The following NKTR variants were observed in gnomAD, a reference collection of about 807,000 sequenced individuals.
NKTR encodes the protein NK-tumor recognition protein.
NKTR carries 67 observed loss-of-function variants against 156.3 expected under a neutral mutation model. That is an observed-to-expected ratio of 0.43 (90% CI 0.35 to 0.53). NKTR has a LOEUF of 0.53. Among genes scored for constraint, NKTR ranks in the 20% least tolerant of loss-of-function variants. The probability of loss-of-function intolerance (pLI) is 0.01; values close to 1 mark genes in which losing one functional copy is unlikely to be tolerated. For synonymous variants in NKTR, 640 were observed against 596.6 expected (o/e 1.07, Z -1.06); for missense variants, 1,604 against 1,730.9 (o/e 0.93, Z 1.30).
Position 42,637,551 on chromosome 3 carries a change from C to A in NKTR, c.1847C>A (p.Pro616His). 1 of 1,613,908 alleles carries A rather than the reference C, an allele frequency of 6.2e-7. No homozygotes were observed. Among genetic ancestry groups the A allele is most frequent in the Non-Finnish European group, 8.5e-7 (1 of 1,179,956 alleles). The stretch of plus-strand genomic sequence containing the variant: ...ATACCACTGAGTGACAGTCCCCCCC[C>A]TTCAAGATGGAAGCCTGGACAGAAA... ...PVIPLSDSPPPSRWKPGQKPW... is the reference protein window; with the variant it reads ...PVIPLSDSPPHSRWKPGQKPW... Residue 616 changes from proline to histidine, a missense_variant, in exon 13 of 17, where the codon CCT (proline) becomes CAT (histidine). Around this residue, in one of 6 missense-constraint regions of NKTR, gnomAD observed 1,255 missense variants for 1,243.7 expected, o/e 1.01. Coordinates refer to ENST00000232978, the MANE Select transcript of NKTR (RefSeq NM_005385.4).
In NKTR at chr3:42,645,983, C is replaced by T. The variant is rs771562843; in HGVS notation, c.*8C>T. On this transcript the variant is annotated 3_prime_UTR_variant, in exon 17 of 17. Transcript: ENST00000232978. ...AGCAGCAGATACAGTTGAAAACGTC[C>T]GGATACAAATTATATCTTATTTGTA... 1.4e-5 allele frequency: 22 copies of T among 1,598,108 alleles called. No individual in the cohort carries two copies. The highest frequency in any genetic ancestry group is 3.3e-5 in the Admixed American group (2 of 59,740).
intron 12 of NKTR, 155 bp downstream of exon 12, chr3:42,635,521 G>A: frequency 1.8e-6 from 1 of 545,898 alleles, no homozygotes; most frequent in Non-Finnish European, 3.1e-6. Flanking sequence ...CTTGATGAAA[G>A]TAGTACTGTT....
intron 2 of NKTR, among the ~76,000 whole-genome samples, chr3:42,609,133 A>G (rs1446409493): frequency 6.8e-6 from 1 of 146,612 alleles, no homozygotes; most frequent in Non-Finnish European, 1.5e-5. Flanking sequence ...TATATCAAAA[A>G]AAAAAAAAGA....
At position 42,621,426 on chromosome 3, in the gene NKTR, C is replaced by T; in HGVS notation, c.287-3C>T. On this transcript the variant is annotated splice_region_variant and splice_polypyrimidine_tract_variant and intron_variant, in intron 5 of 16. Coordinates refer to ENST00000232978, the MANE Select transcript of NKTR (RefSeq NM_005385.4). ...CTGACAAATTTGTGTTTTCTTCAAA[C>T]AGATGAAAACTTTATTCTCAAACAT... is the stretch of plus-strand genomic sequence containing the variant. 8.1e-6 allele frequency: 13 copies of T among 1,601,492 alleles called. No homozygotes were observed. The highest frequency in any genetic ancestry group is 1.1e-5 in the Non-Finnish European group (13 of 1,175,280).
chr3:42,617,237 A>G (rs1237973788), intron 2 of NKTR, among the ~76,000 whole-genome samples: 2 of 152,204 alleles, frequency 1.3e-5, no homozygotes, highest in Non-Finnish European at 2.9e-5. Flanking sequence ...TCAAACAACT[A>G]TTGAGAGTAT....
rs1708718763 is a variant in NKTR, at chr3:42,629,706, A to T, written c.375-840A>T. On this transcript the variant is annotated intron_variant, in intron 6 of 16. Transcript: ENST00000232978. Reference sequence around the variant, plus strand: ...TCTGAGACTAATTATCTGCTTTTGAATTTTTTCCACTGCAATTCATATAAT... The same window carrying T: ...TCTGAGACTAATTATCTGCTTTTGATTTTTTTCCACTGCAATTCATATAAT... 2.0e-6 allele frequency: 2 copies of T among 983,378 alleles called. 1 individual carries two copies. The highest frequency in any genetic ancestry group is 2.4e-6 in the Non-Finnish European group (2 of 828,322). The allele number at this position is 983,378 out of a possible 1,614,324, so 60.9% of individuals were successfully genotyped here. A position where few individuals can be genotyped will look rare whatever the true frequency, so the allele number is the denominator to read the frequency against.
chr3:42,626,410 C>CA (rs898565492), intron 6 of NKTR, among the ~76,000 whole-genome samples: 3 of 150,270 alleles, frequency 2.0e-5, no homozygotes, highest in Non-Finnish European at 4.4e-5. Context: ...GTGTGTTCTC[C>CA]AAAAAAAAAT....
At chr3:42,610,928 C>G (rs985637883) in intron 2 of NKTR, among the ~76,000 whole-genome samples, 13 of 151,760 alleles carry the variant, frequency 8.6e-5, no homozygotes, top group African/African-American at 3.1e-4. Flanking sequence ...CTTTATTGGG[C>G]CTGTTTTTTA....
chr3:42,609,398 A>G (rs1035948879), intron 2 of NKTR, among the ~76,000 whole-genome samples: 1 of 152,242 alleles, frequency 6.6e-6, no homozygotes, highest in Non-Finnish European at 1.5e-5. Context: ...AAGCTGAAGT[A>G]TTAATAATTA....
intron 2 of NKTR, among the ~76,000 whole-genome samples, chr3:42,610,928 C>T (rs985637883): frequency 1.3e-5 from 2 of 151,760 alleles, no homozygotes; most frequent in Non-Finnish European, 2.9e-5. Flanking sequence ...CTTTATTGGG[C>T]CTGTTTTTTA....
Position 42,639,078 on chromosome 3 carries a change from C to G in NKTR, c.3374C>G (p.Thr1125Arg). 2 of 1,614,034 alleles carry G rather than the reference C, an allele frequency of 1.2e-6. No homozygotes were observed. Among genetic ancestry groups the G allele is most frequent in the Non-Finnish European group, 1.7e-6 (2 of 1,179,998 alleles). ...AATGGAGTGGAAGATGTGCTTCAAA[C>G]AGATGACAACATGGAGATCTGCACT... ...VPNGVEDVLQ[T>R]DDNMEICTPD... Residue 1125 changes from threonine (T) to arginine (R), a missense_variant, in exon 13 of 17, where the codon ACA becomes AGA. By Grantham distance (71) the Thr-to-Arg change is moderately conservative. Transcript: ENST00000232978.
Position 42,636,862 on chromosome 3 carries a change from C to T in NKTR, c.1164-6C>T. ...TCACCGCATGAATATTATGTCCTTT[C>T]TATAGGTTAAGTGACCCCTGTTCAA... is the stretch of plus-strand genomic sequence containing the variant. On this transcript the variant is annotated splice_polypyrimidine_tract_variant and splice_region_variant and intron_variant, in intron 12 of 16. Transcript: ENST00000232978. 6.5e-7 allele frequency: 1 copy of T among 1,549,360 alleles called. No individual in the cohort carries two copies. The highest frequency in any genetic ancestry group is 8.7e-7 in the Non-Finnish European group (1 of 1,155,030).
chr3:42,612,086 G>A (rs3774404), intron 2 of NKTR, among the ~76,000 whole-genome samples: 26,056 of 152,226 alleles, frequency 0.17, 2,695 homozygotes, highest in African/African-American at 0.29. Context: ...GGGGAACAGA[G>A]CGAGACTCTG....
chr3:42,601,380 G>A (rs1705441750), intron 2 of NKTR: 1 of 233,882 alleles, frequency 4.3e-6, no homozygotes, highest in African/African-American at 2.3e-5. Flanking sequence ...GTCTCCGTGA[G>A]GCAGACACTC....
chr3:42,636,867 G>C lies in NKTR; in HGVS notation c.1164-1G>C, dbSNP rs759928613. On this transcript the variant is annotated splice_acceptor_variant, in intron 12 of 16. Transcript: ENST00000232978. LOFTEE classifies it high-confidence loss of function. The stretch of plus-strand genomic sequence containing the variant: ...GCATGAATATTATGTCCTTTCTATA[G>C]GTTAAGTGACCCCTGTTCAAGCCGA... 9 of 1,556,090 alleles carry C rather than the reference G, an allele frequency of 5.8e-6. No homozygotes were observed. Among genetic ancestry groups the C allele is most frequent in the Non-Finnish European group, 7.8e-6 (9 of 1,158,698 alleles).
intron 10 of NKTR, 106 bp from the exon 11 acceptor site, chr3:42,634,507 A>G: frequency 3.6e-6 from 2 of 561,190 alleles, no homozygotes; most frequent in Non-Finnish European, 6.3e-6. Context: ...CTATTGCAAA[A>G]TGGCATGTAT....
chr3:42,609,789 T>C (rs1301604982), intron 2 of NKTR, among the ~76,000 whole-genome samples: 1 of 152,182 alleles, frequency 6.6e-6, no homozygotes, highest in Non-Finnish European at 1.5e-5. Context: ...GTAGAATGTT[T>C]CTTGTTGTTT....
rs764796125 is a variant in NKTR, at chr3:42,638,300, T to C, written c.2596T>C (p.Ser866Pro). The change falls in exon 13 of 17, where the codon TCT becomes CCT. Residue 866 changes from serine (S) to proline (P), a missense_variant. Physicochemically the swap from Ser to Pro is moderately conservative, Grantham distance 74 (BLOSUM62 -1). This residue lies in a region of NKTR where 1,255 missense variants were observed against 1,243.7 expected (regional missense o/e 1.01). Transcript: ENST00000232978. ...SKKRTLKENL[S>P]DHLRNGSKPK... ...AAAAAGAACTTTGAAAGAGAATCTT[T>C]CTGATCACCTTAGAAATGGCAGTAA... 1.2e-6 allele frequency: 2 copies of C among 1,607,088 alleles called. No homozygotes were observed. Among genetic ancestry groups the C allele is most frequent in the South Asian group, 2.2e-5 (2 of 89,448 alleles).
intron 6 of NKTR, among the ~76,000 whole-genome samples, chr3:42,626,664 G>A (rs756567681): frequency 6.6e-6 from 1 of 152,030 alleles, no homozygotes; most frequent in African/African-American, 2.4e-5. Context: ...GTTGTGATAC[G>A]TCACCAAACA....
Sources: allele counts gnomAD v4.1 joint callset (sites outside exome capture counted in the v4.1 genomes callset), GRCh38; gene constraint gnomAD v4.1.1; regional missense constraint gnomAD v4.1.1; transcripts MANE v1.5; gene names NCBI Gene and HGNC (gene_info 2026-07-23, HGNC 2026-07-21).